CR2: variants seen among roughly 807,000 people sequenced by gnomAD.
The protein encoded by CR2 is complement receptor type 2.
CR2 carries 96 observed loss-of-function variants against 123.0 expected under a neutral mutation model. The ratio of observed to expected loss-of-function variants is 0.78; its 90% CI spans 0.66 to 0.93. The LOEUF (loss-of-function observed/expected upper bound fraction) is 0.93, where lower values mean the gene tolerates loss of function less well. Ranked by LOEUF, CR2 falls within the 40% of genes least tolerant of loss-of-function variation. The pLI is 0.00. For synonymous variants in CR2, 484 were observed against 469.5 expected (o/e 1.03, Z -0.40); for missense variants, 1,258 against 1,361.0 (o/e 0.92, Z 1.19).
At chr1:207,473,496 G>T in intron 10 of CR2, 49 bp from the exon 11 acceptor site, 2 of 1,561,954 alleles carry the variant, frequency 1.3e-6, no homozygotes, top group East Asian at 2.2e-5. Context: ...GTGTTCTTGA[G>T]TAGAAATTCC....
rs1572963349 is a variant in CR2 at position 207,479,871 on chromosome 1, G to T, written c.3113-107G>T. ...TTTATGTCCAAGAAGAGTTAAGTAT[G>T]AGTCACATAACATTTTCCCCACCAC... is the stretch of plus-strand genomic sequence containing the variant. On this transcript the variant is annotated intron_variant, in intron 17 of 19. Coordinates refer to ENST00000367057, the MANE Select transcript of CR2 (RefSeq NM_001006658.3). The T allele has an allele frequency of 3.8e-6, 3 of 797,816 alleles. No homozygotes were observed. In the East Asian group the frequency reaches 7.5e-5, roughly 20 times the overall value. The allele number at this position is 797,816 out of a possible 1,614,324, so 49.4% of individuals were successfully genotyped here.
At chr1:207,461,757 A>G (rs1211112526) in intron 1 of CR2, among the ~76,000 whole-genome samples, 1 of 152,180 alleles carries the variant, frequency 6.6e-6, no homozygotes, top group Non-Finnish European at 1.5e-5. Flanking sequence ...CTCCCTAGAG[A>G]TCTTCAAGTG....
intron 16 of CR2, 30 bp downstream of exon 16, chr1:207,478,100 T>C (rs1262790867): frequency 1.2e-6 from 2 of 1,604,216 alleles, no homozygotes; most frequent in Admixed American, 1.7e-5. Flanking sequence ...CCGCCGCTTG[T>C]AACTGGCTAA....
At chr1:207,485,682 C>T (rs1270537120) in intron 19 of CR2, 110 bp downstream of exon 19, 2 of 700,564 alleles carry the variant, frequency 2.9e-6, no homozygotes, top group Non-Finnish European at 5.2e-6. Flanking sequence ...TACTATTGCA[C>T]AAGTCTTCAG....
rs757158490 is a variant in CR2, at chr1:207,466,735, T to G, written c.268T>G (p.Ser90Ala). The change falls in exon 2 of 20, where the codon TCT becomes GCT. Residue 90 changes from serine (S) to alanine (A), a missense_variant. Coordinates refer to ENST00000367057, the MANE Select transcript of CR2 (RefSeq NM_001006658.3). ...ATGTGAATATTTCAATAAATATTCT[T>G]CTTGCCCTGAGCCCATAGTACCAGG... The part of the protein sequence containing the change: ...PKCEYFNKYS[S>A]CPEPIVPGGY... 5 of 1,614,106 alleles carry G rather than the reference T, an allele frequency of 3.1e-6. No individual in the cohort carries two copies. The highest frequency in any genetic ancestry group is 4.2e-6 in the Non-Finnish European group (5 of 1,179,990).
Position 207,454,470 on chromosome 1 carries a change from G to A in CR2, c.52G>A (p.Val18Ile), listed in dbSNP as rs892246082. 3 of 1,569,882 alleles carry A rather than the reference G, an allele frequency of 1.9e-6. No homozygotes were observed. Among genetic ancestry groups the A allele is most frequent in the African/African-American group, 2.7e-5 (2 of 73,030 alleles). ...TTTCTTGGCTCTCGTCGCACCGGGGGTCCTCGGTGAGCTGGGAGGGGGAGC... is the reference window on the plus strand; with the variant it reads ...TTTCTTGGCTCTCGTCGCACCGGGGATCCTCGGTGAGCTGGGAGGGGGAGC... Reference protein sequence around the residue: ...GVFLALVAPGVLGISCGSPPP... With the variant: ...GVFLALVAPGILGISCGSPPP... The change falls in exon 1 of 20, where the codon GTC becomes ATC. Residue 18 changes from valine (V) to isoleucine (I), a missense_variant. Coordinates refer to ENST00000367057, the MANE Select transcript of CR2 (RefSeq NM_001006658.3). This position sits in a 1 kb window ranked among gnomAD's most constrained non-coding sequence, Gnocchi z 4.3.
intron 18 of CR2, among the ~76,000 whole-genome samples, chr1:207,484,216 A>G (rs1188990554): frequency 6.6e-6 from 1 of 152,230 alleles, no homozygotes; most frequent in Non-Finnish European, 1.5e-5. Flanking sequence ...ATAATTTATA[A>G]TATTCCAGTC....
intron 18 of CR2, among the ~76,000 whole-genome samples, chr1:207,481,606 A>G (rs1463599433): frequency 6.6e-6 from 1 of 152,146 alleles, no homozygotes; most frequent in Non-Finnish European, 1.5e-5. Context: ...GAAGTGCCTT[A>G]AACCTATATA....
intron 4 of CR2, 61 bp downstream of exon 4, chr1:207,468,960 C>A: frequency 6.4e-7 from 1 of 1,553,486 alleles, no homozygotes; most frequent in Non-Finnish European, 8.9e-7. Context: ...GTGGTGTGGA[C>A]TGTGAAACCT....
At chr1:207,461,924 A>G (rs1040886257) in intron 1 of CR2, among the ~76,000 whole-genome samples, 2 of 152,124 alleles carry the variant, frequency 1.3e-5, no homozygotes, top group African/African-American at 4.8e-5. Context: ...TGAGTGCTCC[A>G]TGCTTCCTTT....
At position 207,476,300 on chromosome 1, in the gene CR2, G is replaced by A. The variant is rs756989345; in HGVS notation, c.2783G>A (p.Arg928Gln). 88 of 1,613,822 alleles carry A rather than the reference G, an allele frequency of 5.5e-5. 1 individual carries two copies. In the South Asian group the frequency reaches 6.3e-4, roughly 11 times the overall value. Residue 928 changes from arginine to glutamine, a missense_variant, in exon 15 of 20, where the codon CGA becomes CAA. Arg to Gln is a conservative substitution (Grantham distance 43). Transcript: ENST00000367057. The part of the protein sequence containing the change: ...NGNHTGGNIA[R>Q]FSPGMSILYS... ...AACCATACTGGTGGAAACATAGCTC[G>A]ATTTTCTCCTGGAATGTCAATCCTG...
At chr1:207,470,670 TC>T in intron 6 of CR2, 69 bp from the exon 7 acceptor site, 1 of 1,460,050 alleles carries the variant, frequency 6.8e-7, no homozygotes, top group Non-Finnish European at 9.6e-7. Flanking sequence ...AATATCAATT[TC>T]TTTGGCTCAG....
chr1:207,479,152 G>T, intron 16 of CR2, 105 bp from the exon 17 acceptor site: 1 of 886,042 alleles, frequency 1.1e-6, no homozygotes, highest in Non-Finnish European at 1.9e-6. Context: ...CGACTTGGAA[G>T]GGAGCTAGAG....
In CR2 at chr1:207,469,897, A is replaced by C. The variant is rs764090053; in HGVS notation, c.1020A>C (p.Pro340=). ...CTGGGACCTGGAGTGGCCCTGCCCC[A>C]CGCTGTGAACTTTCTACTTCTGCGG... ...QKTGTWSGPA[P]RCELSTSAVQ... The change falls in exon 6 of 20, where the codon CCA becomes CCC. Residue 340 remains proline (P), a synonymous_variant. Coordinates refer to ENST00000367057, the MANE Select transcript of CR2 (RefSeq NM_001006658.3). 1 of 1,613,974 alleles carries C rather than the reference A, an allele frequency of 6.2e-7. No individual in the cohort carries two copies.
intron 18 of CR2, 140 bp from the exon 19 acceptor site, chr1:207,485,324 C>T (rs1026093704): frequency 1.6e-6 from 1 of 638,932 alleles, no homozygotes; most frequent in African/African-American, 1.8e-5. Context: ...TATCCCAGAA[C>T]TTAAAGTATA....
At position 207,470,768 on chromosome 1, in the gene CR2, T is replaced by C. The variant is rs1572955076; in HGVS notation, c.1254T>C (p.Asn418=). Residue 418 remains asparagine, a synonymous_variant, in exon 7 of 20, where the codon AAT becomes AAC. Coordinates refer to ENST00000367057, the MANE Select transcript of CR2 (RefSeq NM_001006658.3). The stretch of plus-strand genomic sequence containing the variant: ...GCCAGGCCCCTCCTAACATCCTCAA[T>C]GGGCAAAAGGAAGATAGACACATGG... ...KECQAPPNIL[N]GQKEDRHMVR... 6.2e-7 allele frequency: 1 copy of C among 1,613,860 alleles called. No homozygotes were observed. Among genetic ancestry groups the C allele is most frequent in the Non-Finnish European group, 8.5e-7 (1 of 1,179,822 alleles).
chr1:207,480,068 G>A lies in CR2; in HGVS notation c.3188+15G>A, dbSNP rs1194255781. 1.6e-5 allele frequency: 26 copies of A among 1,587,364 alleles called. No individual in the cohort carries two copies. The highest frequency in any genetic ancestry group is 8.8e-5 in the South Asian group (8 of 90,474). ...CACAGAGCACGGTAAGTTCAAAGGC[G>A]AATACTTGATTGACCAACATGCACA... On this transcript the variant is annotated intron_variant, in intron 18 of 19. Coordinates refer to ENST00000367057, the MANE Select transcript of CR2 (RefSeq NM_001006658.3).
At chr1:207,469,325 A>G (rs531535192) in intron 5 of CR2, 93 bp downstream of exon 5, 2 of 965,572 alleles carry the variant, frequency 2.1e-6, no homozygotes, top group Non-Finnish European at 3.4e-6. Flanking sequence ...CTTACTGAAC[A>G]CAGAACTCCT....
intron 14 of CR2, among the ~76,000 whole-genome samples, chr1:207,475,692 A>G (rs939233547): frequency 2.0e-5 from 3 of 152,246 alleles, no homozygotes; most frequent in Non-Finnish European, 2.9e-5. Flanking sequence ...GACTATCTAC[A>G]GCAGAGGCTG....
Sources: gnomAD v4.1 joint callset for allele counts (sites outside exome capture counted in the v4.1 genomes callset) on GRCh38, gnomAD v4.1.1 for gene constraint, Gnocchi (gnomAD v3.1) non-coding constraint, MANE v1.5 for transcripts, NCBI Gene and HGNC (gene_info 2026-07-23, HGNC 2026-07-21) for gene names.